CRBN: variants seen among roughly 807,000 people sequenced by gnomAD.
CRBN encodes cereblon.
Under a neutral mutation model 62.2 loss-of-function variants are expected in CRBN, and 53 were observed. The ratio of observed to expected loss-of-function variants is 0.85; its 90% confidence interval spans 0.68 to 1.07. The LOEUF (loss-of-function observed/expected upper bound fraction) is 1.07. Among genes scored for constraint, CRBN ranks in the 50% least tolerant of loss-of-function variants. The pLI, the probability that CRBN is intolerant of heterozygous loss-of-function variation, is 0.00. For missense variants in CRBN, 616 were observed against 531.1 expected, an observed-to-expected ratio of 1.16 and a Z score of -1.57; for synonymous variants, 208 against 176.1, an observed-to-expected ratio of 1.18 and a Z score of -1.43.
At chr3:3,167,552 A>G (rs1045595748) in intron 5 of CRBN, 82 bp downstream of exon 5, 1 of 1,368,038 alleles carries the variant, frequency 7.3e-7, no homozygotes, top group Admixed American at 1.7e-5. Context: ...ATGAATCATG[A>G]AAGTTGTGTT....
intron 5 of CRBN, among the ~76,000 whole-genome samples, chr3:3,164,760 T>A (rs970442411): frequency 9.8e-5 from 15 of 152,352 alleles, no homozygotes; most frequent in Middle Eastern, 3.4e-3. Flanking sequence ...ATTAATGCTG[T>A]TTTCATGCTT....
At chr3:3,152,626 A>G in intron 9 of CRBN, 39 bp from the exon 10 acceptor site, 1 of 1,613,164 alleles carries the variant, frequency 6.2e-7, no homozygotes, top group Non-Finnish European at 8.5e-7. Context: ...CGTCAAAACG[A>G]GAAGTCTAAT....
intron 5 of CRBN, among the ~76,000 whole-genome samples, chr3:3,158,609 A>C (rs1707009971): frequency 6.6e-6 from 1 of 152,228 alleles, no homozygotes; most frequent in Non-Finnish European, 1.5e-5. Flanking sequence ...CAGGAACAGC[A>C]ATGGCAACCA....
Position 3,150,994 on chromosome 3 carries a change from C to T in CRBN, c.1200G>A (p.Trp400Ter). 2 of 1,613,998 alleles carry T rather than the reference C, an allele frequency of 1.2e-6. No individual in the cohort carries two copies. Among genetic ancestry groups the T allele is most frequent in the Non-Finnish European group, 8.5e-7 (1 of 1,179,974 alleles). Reference sequence around the variant, plus strand: ...TGTCTTTTTTGGTGGCCGTAAACTTCCATCCAATATGGCTTGCACAGATCT... The same window carrying T: ...TGTCTTTTTTGGTGGCCGTAAACTTTCATCCAATATGGCTTGCACAGATCT... ...QCKICASHIG[W>*]KFTATKKDMS... is the part of the protein sequence containing the mutation. The change falls in exon 11 of 11, where the codon TGG becomes TGA. Residue 400 changes from tryptophan (W) to a stop codon, truncating the protein, a stop_gained. Transcript: ENST00000231948. LOFTEE classifies it high-confidence loss of function.
chr3:3,169,762 A>G (rs748288646), intron 4 of CRBN, among the ~76,000 whole-genome samples: 4 of 152,164 alleles, frequency 2.6e-5, no homozygotes, highest in Non-Finnish European at 5.9e-5. Flanking sequence ...TTGACTAACA[A>G]TTATTGGTCT....
intron 10 of CRBN, 77 bp downstream of exon 10, chr3:3,152,379 C>T (rs1213815268): frequency 2.1e-6 from 3 of 1,441,856 alleles, no homozygotes; most frequent in African/African-American, 2.9e-5. Context: ...TGTGGCAACT[C>T]TGCTTAGGAC....
intron 1 of CRBN, among the ~76,000 whole-genome samples, chr3:3,178,009 A>AAAAC (rs938240971): frequency 7.1e-6 from 1 of 141,594 alleles, no homozygotes; most frequent in Non-Finnish European, 1.5e-5. Context: ...AAAACAAAAC[A>AAAAC]AAACAAACAA....
intron 5 of CRBN, among the ~76,000 whole-genome samples, chr3:3,166,738 C>A (rs1707367701): frequency 6.6e-6 from 1 of 152,096 alleles, no homozygotes; most frequent in Non-Finnish European, 1.5e-5. Context: ...TCACTGAAAA[C>A]TGGAGGAATT....
intron 4 of CRBN, chr3:3,172,506 C>T (rs1185094105): frequency 2.2e-6 from 1 of 463,832 alleles, no homozygotes; most frequent in Non-Finnish European, 3.9e-6. Context: ...TTAGAATCAC[C>T]TGAAAATCAT....
At chr3:3,155,614 G>A (rs1217259188) in intron 6 of CRBN, 1 of 153,182 alleles carries the variant, frequency 6.5e-6, no homozygotes, top group Admixed American at 6.5e-5. Context: ...AATGCCTAGT[G>A]TTAAACTTTA....
At position 3,167,513 on chromosome 3, in the gene CRBN, G is replaced by A; in HGVS notation, c.687+121C>T. On this transcript the variant is annotated intron_variant, in intron 5 of 10. Coordinates refer to ENST00000231948, the MANE Select transcript of CRBN (RefSeq NM_016302.4). Reference sequence around the variant, plus strand: ...AATTTTTAGAGGATCAAATGTAGCTGGAATATTGCCATACAAGGTGGCTGG... The same window carrying A: ...AATTTTTAGAGGATCAAATGTAGCTAGAATATTGCCATACAAGGTGGCTGG... 7.4e-6 allele frequency: 7 copies of A among 941,626 alleles called. 1 individual carries two copies. In the South Asian group the frequency reaches 1.1e-4, roughly 14 times the overall value. 58.3% of individuals were successfully genotyped at this position (941,626 alleles called of 1,614,324 possible).
chr3:3,173,024 A>C, intron 3 of CRBN, 99 bp from the exon 4 acceptor site: 1 of 874,706 alleles, frequency 1.1e-6, no homozygotes. Flanking sequence ...AATTTATAGA[A>C]TCAACCCTTA....
chr3:3,151,233 T>C (rs947043413), intron 10 of CRBN, among the ~76,000 whole-genome samples, 188 bp from the exon 11 acceptor site: 4 of 152,230 alleles, frequency 2.6e-5, no homozygotes, highest in African/African-American at 2.4e-5. Flanking sequence ...TTTTGTAATA[T>C]GTATGACTTT....
intron 5 of CRBN, among the ~76,000 whole-genome samples, chr3:3,157,693 G>A (rs191573508): frequency 1.5e-4 from 23 of 152,042 alleles, no homozygotes; most frequent in East Asian, 3.9e-4. Context: ...ATTGTACTAC[G>A]CAACTGTACA....
At chr3:3,176,987 C>T (rs1707848480) in intron 1 of CRBN, among the ~76,000 whole-genome samples, 1 of 152,188 alleles carries the variant, frequency 6.6e-6, no homozygotes, top group Non-Finnish European at 1.5e-5. Context: ...CTCTCAACCA[C>T]AGGTGATTTT....
Position 3,154,764 on chromosome 3 carries a change from A to G in CRBN, c.818T>C (p.Leu273Pro). 2 of 1,595,840 alleles carry G rather than the reference A, an allele frequency of 1.3e-6. No homozygotes were observed. Among genetic ancestry groups the G allele is most frequent in the Non-Finnish European group, 1.7e-6 (2 of 1,163,510 alleles). The change falls in exon 7 of 11, where the codon CTT (leucine) becomes CCT (proline). Residue 273 changes from leucine to proline, a missense_variant. Coordinates refer to ENST00000231948, the MANE Select transcript of CRBN (RefSeq NM_016302.4). ...EWDENLKDDS[L>P]PSNPIDFSYR... ...TTTCATACCTATTGGATTTGAAGGA[A>G]GAGAATCATCTTTTAGATTTTCATC... is the stretch of plus-strand genomic sequence containing the variant.
At chr3:3,159,556 G>A (rs1707051663) in intron 5 of CRBN, among the ~76,000 whole-genome samples, 1 of 152,212 alleles carries the variant, frequency 6.6e-6, no homozygotes, top group Non-Finnish European at 1.5e-5. Context: ...AGCATATTAA[G>A]AGCAATGCAC....
chr3:3,173,949 C>T, intron 3 of CRBN, 110 bp downstream of exon 3: 1 of 935,898 alleles, frequency 1.1e-6, no homozygotes, highest in Non-Finnish European at 1.7e-6. Flanking sequence ...CACATTCTTA[C>T]CCAACCTCTC....
chr3:3,169,378 T>G (rs1343933259), intron 4 of CRBN, among the ~76,000 whole-genome samples: 1 of 152,204 alleles, frequency 6.6e-6, no homozygotes. Context: ...ATAAATGTTA[T>G]AAAAACCAGT....
Sources: allele counts gnomAD v4.1 joint callset (sites outside exome capture counted in the v4.1 genomes callset), GRCh38; gene constraint gnomAD v4.1.1; transcripts MANE v1.5; gene names NCBI Gene and HGNC (gene_info 2026-07-23, HGNC 2026-07-21).